Variants in SNTG1 observed in about 807,000 individuals in gnomAD.
The protein encoded by SNTG1 is syntrophin gamma 1.
In SNTG1, 39 loss-of-function variants were observed where a neutral mutation model predicts 74.7. The ratio of observed to expected loss-of-function variants is 0.52; its 90% CI spans 0.40 to 0.68. The LOEUF is 0.68. Among genes scored for constraint, SNTG1 ranks in the 30% least tolerant of loss-of-function variants. The probability of loss-of-function intolerance (pLI) is 0.00; values close to 1 mark genes in which losing one functional copy is unlikely to be tolerated. For synonymous variants in SNTG1, 254 were observed against 217.1 expected (o/e 1.17, Z -1.49); for missense variants, 685 against 609.5 (o/e 1.12, Z -1.30).
intron 17 of SNTG1, among the ~76,000 whole-genome samples, chr8:50,725,597 A>G (rs2095498211): frequency 6.6e-6 from 1 of 152,122 alleles, no homozygotes; most frequent in Non-Finnish European, 1.5e-5. Context: ...AGTACGTGAC[A>G]CCTCTAATTT....
At chr8:50,721,670 A>G (rs2095487961) in intron 17 of SNTG1, among the ~76,000 whole-genome samples, 1 of 152,196 alleles carries the variant, frequency 6.6e-6, no homozygotes, top group South Asian at 2.1e-4. Context: ...AGAATAAAAG[A>G]AGAAATATAT....
At chr8:49,996,742 C>T (rs908130010) in intron 1 of SNTG1, among the ~76,000 whole-genome samples, 1 of 152,122 alleles carries the variant, frequency 6.6e-6, no homozygotes. Flanking sequence ...TAATATCTAT[C>T]ATTTCACAGA....
chr8:49,977,048 G>A (rs1307263525), intron 1 of SNTG1, among the ~76,000 whole-genome samples: 1 of 152,086 alleles, frequency 6.6e-6, no homozygotes, highest in Non-Finnish European at 1.5e-5. Context: ...TAATAATGAG[G>A]TGTGGGAAGG....
At chr8:50,681,053 A>G (rs950254824) in intron 15 of SNTG1, among the ~76,000 whole-genome samples, 1 of 152,220 alleles carries the variant, frequency 6.6e-6, no homozygotes, top group East Asian at 1.9e-4. Context: ...TCATCTCAAC[A>G]AAAGATTAAA....
chr8:50,439,489 CAG>C (rs1250713089), intron 5 of SNTG1, among the ~76,000 whole-genome samples: 2 of 151,940 alleles, frequency 1.3e-5, no homozygotes, highest in South Asian at 2.1e-4. Context: ...GAAAATGACT[CAG>C]AGTAGAAATC....
intron 4 of SNTG1, among the ~76,000 whole-genome samples, chr8:50,409,720 G>T (rs2092923647): frequency 6.6e-6 from 1 of 152,086 alleles, no homozygotes. Flanking sequence ...CCCTTCAATG[G>T]GCCCTGAAGG....
intron 5 of SNTG1, among the ~76,000 whole-genome samples, chr8:50,449,256 T>A (rs541734519): frequency 2.0e-4 from 31 of 152,290 alleles, no homozygotes; most frequent in African/African-American, 6.5e-4. Flanking sequence ...TCTACTTCCT[T>A]GGTATCCCAA....
In SNTG1 at chr8:50,793,745, C is replaced by A. The variant is rs1000690703; in HGVS notation, c.*916C>A. Reference sequence around the variant, plus strand: ...GTGTGAGAAACAATTCTTTGTAATCCGAAGTCTACTAGTTAATCATGAACT... The same window carrying A: ...GTGTGAGAAACAATTCTTTGTAATCAGAAGTCTACTAGTTAATCATGAACT... On this transcript the variant is annotated 3_prime_UTR_variant, in exon 19 of 19. Transcript: ENST00000642720. 2 of 151,464 alleles carry A rather than the reference C, an allele frequency of 1.3e-5. No homozygotes were observed. The highest frequency in any genetic ancestry group is 1.9e-4 in the East Asian group (1 of 5,180). The allele number at this position is 151,464 out of a possible 1,614,324, so 9.4% of individuals were successfully genotyped here.
intron 8 of SNTG1, among the ~76,000 whole-genome samples, chr8:50,490,448 AGTG>A (rs1417314066): frequency 6.6e-6 from 1 of 152,198 alleles, no homozygotes; most frequent in Non-Finnish European, 1.5e-5. Flanking sequence ...TTCCTCAAGC[AGTG>A]GTTTGTAGTT....
intron 5 of SNTG1, among the ~76,000 whole-genome samples, chr8:50,444,580 A>C (rs1247465527): frequency 6.6e-6 from 1 of 151,804 alleles, no homozygotes; most frequent in African/African-American, 2.4e-5. Flanking sequence ...TGAAACTCCA[A>C]CTCTACTAAA....
chr8:50,256,161 T>C (rs2086871407), intron 2 of SNTG1, among the ~76,000 whole-genome samples: 1 of 151,676 alleles, frequency 6.6e-6, no homozygotes, highest in African/African-American at 2.4e-5. Flanking sequence ...ATGTGTCTTT[T>C]TGTTTATACA....
At chr8:50,777,772 T>C (rs2095645343) in intron 18 of SNTG1, among the ~76,000 whole-genome samples, 1 of 152,026 alleles carries the variant, frequency 6.6e-6, no homozygotes, top group Non-Finnish European at 1.5e-5. Flanking sequence ...TACATATGTA[T>C]ACATGTGCCA....
chr8:50,714,085 G>A (rs925993835), intron 17 of SNTG1, among the ~76,000 whole-genome samples: 2 of 151,560 alleles, frequency 1.3e-5, no homozygotes, highest in African/African-American at 2.4e-5. Context: ...AAAGGTGGGG[G>A]GAGGGAATCC....
chr8:50,005,924 GT>G (rs1311342271), intron 1 of SNTG1, among the ~76,000 whole-genome samples: 3 of 87,890 alleles, frequency 3.4e-5, no homozygotes, highest in Admixed American at 2.2e-4. Flanking sequence ...ATTTATTTCT[GT>G]TACTTTACTT....
intron 18 of SNTG1, among the ~76,000 whole-genome samples, chr8:50,782,839 C>T (rs2095663754): frequency 6.6e-6 from 1 of 152,036 alleles, no homozygotes; most frequent in Non-Finnish European, 1.5e-5. Context: ...GTGGTTTTGT[C>T]TACTTTTGGT....
intron 13 of SNTG1, among the ~76,000 whole-genome samples, chr8:50,612,091 A>G (rs971004155): frequency 6.6e-6 from 1 of 152,224 alleles, no homozygotes; most frequent in Non-Finnish European, 1.5e-5. Flanking sequence ...AAACAAAAAA[A>G]TCTGAAGCAC....
intron 1 of SNTG1, among the ~76,000 whole-genome samples, chr8:50,076,711 T>A (rs1349705144): frequency 6.6e-6 from 1 of 152,152 alleles, no homozygotes; most frequent in African/African-American, 2.4e-5. Flanking sequence ...TAAGCTTTCA[T>A]ATACTCCTAA....
chr8:49,940,443 T>G (rs1253234608), intron 1 of SNTG1, among the ~76,000 whole-genome samples: 1 of 152,196 alleles, frequency 6.6e-6, no homozygotes, highest in Non-Finnish European at 1.5e-5. Context: ...CAGGTGTATC[T>G]TTATTTCTAC....
At chr8:50,231,747 G>A (rs972064576) in intron 2 of SNTG1, among the ~76,000 whole-genome samples, 1 of 151,160 alleles carries the variant, frequency 6.6e-6, no homozygotes, top group Non-Finnish European at 1.5e-5. Flanking sequence ...TAATCAAAGG[G>A]TACAAAGCCT....
Sources: gnomAD v4.1 joint callset for allele counts (sites outside exome capture counted in the v4.1 genomes callset) on GRCh38, gnomAD v4.1.1 for gene constraint, MANE v1.5 for transcripts, NCBI Gene and HGNC (gene_info 2026-07-23, HGNC 2026-07-21) for gene names.